COL7A1: variants seen among roughly 807,000 people sequenced by gnomAD.
COL7A1 encodes the protein collagen type VII alpha 1 chain, also known as collagen alpha-1(VII) chain.
In COL7A1, 296 loss-of-function variants were observed where a neutral mutation model predicts 456.2. That is an observed-to-expected ratio of 0.65 (90% CI 0.59 to 0.71). The LOEUF (loss-of-function observed/expected upper bound fraction) is 0.71. Ranked by LOEUF, COL7A1 falls within the 30% of genes least tolerant of loss-of-function variation. The pLI, the probability that COL7A1 is intolerant of heterozygous loss-of-function variation, is 0.00. For missense variants in COL7A1, 3,441 were observed against 4,017.2 expected (o/e 0.86, Z 3.88); for synonymous variants, 1,464 against 1,525.9 (o/e 0.96, Z 0.95).
Position 48,573,022 on chromosome 3 carries a change from A to G in COL7A1, c.6749T>C (p.Val2250Ala). Reference sequence around the variant, plus strand: ...CAACCCTTGACCCCCAGAACTCACCACTTGTCCAGGCAAACCTGGAGACCC... The same window carrying G: ...CAACCCTTGACCCCCAGAACTCACCGCTTGTCCAGGCAAACCTGGAGACCC... Reference protein sequence around the residue: ...PQGSPGLPGQVGETGKPGAPG... With the variant: ...PQGSPGLPGQAGETGKPGAPG... The change falls in exon 86 of 119, where the codon GTG (valine) becomes GCG (alanine). Residue 2250 changes from valine (V) to alanine (A), a missense_variant and splice_region_variant. Transcript: ENST00000681320. The surrounding 1 kb of genome is among the most constrained non-coding windows in gnomAD (Gnocchi z 5.5). 1 of 1,613,920 alleles carries G rather than the reference A, an allele frequency of 6.2e-7. No individual in the cohort carries two copies. The highest frequency in any genetic ancestry group is 1.1e-5 in the South Asian group (1 of 91,076).
chr3:48,570,684 T>A lies in COL7A1; in HGVS notation c.7299A>T (p.Glu2433Asp). ...ERGLAGPPGREGIPGPLGPPG... is the reference protein window; with the variant it reads ...ERGLAGPPGRDGIPGPLGPPG... Reference sequence around the variant, plus strand: ...GTGGCCCCAGGGGTCCTGGGATTCCTTCTCTCCCTGGGGGGCCTGCCAGAC... The same window carrying A: ...GTGGCCCCAGGGGTCCTGGGATTCCATCTCTCCCTGGGGGGCCTGCCAGAC... The change falls in exon 96 of 119, where the codon GAA becomes GAT. Residue 2433 changes from glutamate to aspartate, a missense_variant. By Grantham distance (45) the Glu-to-Asp change is conservative. Coordinates refer to ENST00000681320, the MANE Select transcript of COL7A1 (RefSeq NM_000094.4). This position sits in a 1 kb window ranked among gnomAD's most constrained non-coding sequence, Gnocchi z 5.5. 2 of 1,586,666 alleles carry A rather than the reference T, an allele frequency of 1.3e-6. No homozygotes were observed. The highest frequency in any genetic ancestry group is 8.6e-7 in the Non-Finnish European group (1 of 1,165,414).
At position 48,575,052 on chromosome 3, in the gene COL7A1, TGGGGTGATCACCTTGGGGCCAG is replaced by T; in HGVS notation, c.6269_6279+11del. 6.2e-7 allele frequency: 1 copy of T among 1,609,614 alleles called. No homozygotes were observed. Among genetic ancestry groups the T allele is most frequent in the Non-Finnish European group, 8.5e-7 (1 of 1,176,330 alleles). On this transcript the variant is annotated splice_donor_variant and splice_donor_5th_base_variant and coding_sequence_variant and intron_variant, in exon 76 of 119. Transcript: ENST00000681320. LOFTEE classifies it high-confidence loss of function. This position sits in a 1 kb window ranked among gnomAD's most constrained non-coding sequence, Gnocchi z 6.3. ...ACTAGTCACAGGACTAAGGCAGGGA[TGGGGTGATCACCTTGGGGCCAG>T]GGGGTCCGGGGGGCCCAGGGGTTCC...
At position 48,590,935 on chromosome 3, in the gene COL7A1, G is replaced by A; in HGVS notation, c.1637-119C>T. ...GCCATGGGGGTGGGGATGTGGGGTG[G>A]TGGGGACCAGAGAGCTGGGATATGG... On this transcript the variant is annotated intron_variant, in intron 13 of 118. Transcript: ENST00000681320. The surrounding 1 kb of genome is among the most constrained non-coding windows in gnomAD (Gnocchi z 4.6). 1 of 1,018,658 alleles carries A rather than the reference G, an allele frequency of 9.8e-7. No individual in the cohort carries two copies. The highest frequency in any genetic ancestry group is 1.5e-6 in the Non-Finnish European group (1 of 673,282). 63.1% of individuals were successfully genotyped at this position (1,018,658 alleles called of 1,614,324 possible).
In COL7A1 at chr3:48,581,063, C is replaced by G; in HGVS notation, c.4935+59G>C. The G allele has an allele frequency of 1.2e-6, 2 of 1,608,924 alleles. No individual in the cohort carries two copies. Among genetic ancestry groups the G allele is most frequent in the African/African-American group, 2.7e-5 (2 of 74,932 alleles). On this transcript the variant is annotated intron_variant, in intron 53 of 118. Coordinates refer to ENST00000681320, the MANE Select transcript of COL7A1 (RefSeq NM_000094.4). This position sits in a 1 kb window ranked among gnomAD's most constrained non-coding sequence, Gnocchi z 5.8. ...ATGGATGAACTGGTGGAGCACCAGC[C>G]TACTGGGATCCTAGTTCAAGGGTAA...
At position 48,589,347 on chromosome 3, in the gene COL7A1, G is replaced by T. The variant is rs751496071; in HGVS notation, c.2294C>A (p.Ala765Asp). The T allele has an allele frequency of 1.7e-5, 28 of 1,612,212 alleles. 1 individual carries two copies. In the South Asian group the frequency reaches 3.0e-4, roughly 17 times the overall value. ...CTCACCAGTCCTCACAACCACAGAGGCAGGGGGCCCATCCACGCCAGCCAC... is the reference window on the plus strand; with the variant it reads ...CTCACCAGTCCTCACAACCACAGAGTCAGGGGGCCCATCCACGCCAGCCAC... ...AHVAGVDGPPASVVVRTAPEP... is the reference protein window; with the variant it reads ...AHVAGVDGPPDSVVVRTAPEP... The change falls in exon 18 of 119, where the codon GCC becomes GAC. Residue 765 changes from alanine to aspartate, a missense_variant. This residue lies in a region of COL7A1 where 913 missense variants were observed against 1,088.2 expected (regional missense o/e 0.84). Coordinates refer to ENST00000681320, the MANE Select transcript of COL7A1 (RefSeq NM_000094.4).
chr3:48,586,788 C>T lies in COL7A1; in HGVS notation c.3277-99G>A, dbSNP rs546502320. 21 of 1,524,146 alleles carry T rather than the reference C, an allele frequency of 1.4e-5. No individual in the cohort carries two copies. The Middle Eastern group carries it at 5.2e-4, about 38-fold the overall frequency. 94.4% of individuals were successfully genotyped at this position (1,524,146 alleles called of 1,614,324 possible). A position where few individuals can be genotyped will look rare whatever the true frequency, so the allele number is the denominator to read the frequency against. ...CACATCAGGGTGTGTGTGACCAAAC[C>T]CTATCTATTAGGGAGTCAGCAGTGA... On this transcript the variant is annotated intron_variant, in intron 25 of 118. Transcript: ENST00000681320. The surrounding 1 kb of genome is among the most constrained non-coding windows in gnomAD (Gnocchi z 5.1).
chr3:48,566,990 T>C lies in COL7A1; in HGVS notation c.8143A>G (p.Ser2715Gly), dbSNP rs761335737. 3.7e-6 allele frequency: 6 copies of C among 1,612,092 alleles called. No homozygotes were observed. In the East Asian group the frequency reaches 8.9e-5, roughly 24 times the overall value. The change falls in exon 111 of 119, where the codon AGT becomes GGT. Residue 2715 changes from serine (S) to glycine (G), a missense_variant. This residue lies in a region of COL7A1 where 2,084 missense variants were observed against 2,501.3 expected (regional missense o/e 0.83). Coordinates refer to ENST00000681320, the MANE Select transcript of COL7A1 (RefSeq NM_000094.4). This position sits in a 1 kb window ranked among gnomAD's most constrained non-coding sequence, Gnocchi z 5.9. ...TPGIGGFPGP[S>G]GNDGSAGPPG... ...GGACCAGCAGAGCCATCATTTCCAC[T>C]GGGGCCTGGGAAGCCCCCAATTCCT...
In COL7A1 at chr3:48,570,617, G is replaced by T. The variant is rs1380898482; in HGVS notation, c.7344+22C>A. The T allele has an allele frequency of 6.2e-7, 1 of 1,609,930 alleles. No individual in the cohort carries two copies. The highest frequency in any genetic ancestry group is 8.5e-7 in the Non-Finnish European group (1 of 1,178,024). ...GAGGACAGGAAATCAAATACGTGGG[G>T]CTTTAGGGCACCTCTACTCACCACT... On this transcript the variant is annotated intron_variant, in intron 96 of 118. Transcript: ENST00000681320. This position sits in a 1 kb window ranked among gnomAD's most constrained non-coding sequence, Gnocchi z 5.5.
rs1383696679 is a variant in COL7A1 at position 48,590,304 on chromosome 3, T to C, written c.1959A>G (p.Thr653=). 3 of 1,614,008 alleles carry C rather than the reference T, an allele frequency of 1.9e-6. No homozygotes were observed. The highest frequency in any genetic ancestry group is 2.5e-6 in the Non-Finnish European group (3 of 1,179,982). ...GGTAGGTGGTTCCAGGCTGCAGCCC[T>C]GTGATGTCTGTGGCAGTAGAGTCTG... The part of the protein sequence containing the change: ...LPPDSTATDI[T]GLQPGTTYQV... Residue 653 remains threonine, a synonymous_variant, in exon 16 of 119, where the codon ACA becomes ACG. Coordinates refer to ENST00000681320, the MANE Select transcript of COL7A1 (RefSeq NM_000094.4). The surrounding 1 kb of genome is among the most constrained non-coding windows in gnomAD (Gnocchi z 4.6).
In COL7A1 at chr3:48,586,225, C is replaced by T; in HGVS notation, c.3572G>A (p.Gly1191Glu). 1 of 1,613,680 alleles carries T rather than the reference C, an allele frequency of 6.2e-7. No homozygotes were observed. Residue 1191 changes from glycine (G) to glutamate (E), a missense_variant, in exon 28 of 119, where the codon GGA becomes GAA. Gly to Glu is a moderately conservative substitution (Grantham distance 98, BLOSUM62 -2). Transcript: ENST00000681320. The surrounding 1 kb of genome is among the most constrained non-coding windows in gnomAD (Gnocchi z 5.1). ...CTGCTCTGGGTCCGCTCCAGCCATTCCCAACATCACCACATTAAGCCCTAA... is the reference window on the plus strand; with the variant it reads ...CTGCTCTGGGTCCGCTCCAGCCATTTCCAACATCACCACATTAAGCCCTAA... The part of the protein sequence containing the change: ...QASGLNVVML[G>E]MAGADPEQLR...
At position 48,573,318 on chromosome 3, in the gene COL7A1, G is replaced by T. The variant is rs546653276; in HGVS notation, c.6649C>A (p.Arg2217=). 6.2e-7 allele frequency: 1 copy of T among 1,613,954 alleles called. No individual in the cohort carries two copies. Among genetic ancestry groups the T allele is most frequent in the Non-Finnish European group, 8.5e-7 (1 of 1,180,004 alleles). ...AACCTGTGAGCTAGGCCACTCACCCGTCCTGGAGGTCCTGTCTCTCCAGGC... is the reference window on the plus strand; with the variant it reads ...AACCTGTGAGCTAGGCCACTCACCCTTCCTGGAGGTCCTGTCTCTCCAGGC... ...GEPGETGPPG[R]GLTGPTGAVG... is the part of the protein sequence containing the mutation. Residue 2217 remains arginine (R), a splice_region_variant and synonymous_variant, in exon 84 of 119, where the codon CGG becomes AGG. Coordinates refer to ENST00000681320, the MANE Select transcript of COL7A1 (RefSeq NM_000094.4). This position sits in a 1 kb window ranked among gnomAD's most constrained non-coding sequence, Gnocchi z 5.5.
Position 48,573,230 on chromosome 3 carries a change from T to G in COL7A1, c.6658A>C (p.Thr2220Pro). The stretch of plus-strand genomic sequence containing the variant: ...AGTCCCACAGCTCCAGTAGGTCCAG[T>G]CAGGCCCTGGAGGAAGAGAAAGTTC... The part of the protein sequence containing the change: ...GETGPPGRGL[T>P]GPTGAVGLPG... The change falls in exon 85 of 119, where the codon ACT becomes CCT. Residue 2220 changes from threonine (T) to proline (P), a missense_variant. Around this residue, in one of 3 missense-constraint regions of COL7A1, gnomAD observed 2,084 missense variants for 2,501.3 expected, o/e 0.83. Transcript: ENST00000681320. The surrounding 1 kb of genome is among the most constrained non-coding windows in gnomAD (Gnocchi z 5.5). 1 of 1,614,088 alleles carries G rather than the reference T, an allele frequency of 6.2e-7. No individual in the cohort carries two copies. The highest frequency in any genetic ancestry group is 8.5e-7 in the Non-Finnish European group (1 of 1,180,014).
In COL7A1 at chr3:48,593,519, G is replaced by A; in HGVS notation, c.426+18C>T. 3.1e-6 allele frequency: 5 copies of A among 1,614,130 alleles called. No homozygotes were observed. Among genetic ancestry groups the A allele is most frequent in the Non-Finnish European group, 4.2e-6 (5 of 1,180,032 alleles). On this transcript the variant is annotated intron_variant, in intron 4 of 118. Coordinates refer to ENST00000681320, the MANE Select transcript of COL7A1 (RefSeq NM_000094.4). This position sits in a 1 kb window ranked among gnomAD's most constrained non-coding sequence, Gnocchi z 4.4. ...CATTTGGGGTCATCTTGGGAGGCAT[G>A]GTAGGGGTAGGGATCACCTTGGGGA...
rs753859648 is a variant in COL7A1, at chr3:48,590,760, C to A, written c.1693G>T (p.Val565Phe). The change falls in exon 14 of 119, where the codon GTT becomes TTT. Residue 565 changes from valine to phenylalanine, a missense_variant. Val to Phe is a conservative substitution (Grantham distance 50). Coordinates refer to ENST00000681320, the MANE Select transcript of COL7A1 (RefSeq NM_000094.4). The surrounding 1 kb of genome is among the most constrained non-coding windows in gnomAD (Gnocchi z 4.6). Reference sequence around the variant, plus strand: ...ACAGTGTAGCTAAGCCCAGCCTGAACGTCATCCAAGTCGAATGCTGTCTGA... The same window carrying A: ...ACAGTGTAGCTAAGCCCAGCCTGAAAGTCATCCAAGTCGAATGCTGTCTGA... ...GSQTAFDLDD[V>F]QAGLSYTVRV... 1.9e-6 allele frequency: 3 copies of A among 1,614,002 alleles called. No homozygotes were observed. Among genetic ancestry groups the A allele is most frequent in the Admixed American group, 3.3e-5 (2 of 60,016 alleles).
chr3:48,576,221 T>A (rs775360443), intron 71 of COL7A1, 28 bp downstream of exon 71: 5 of 1,612,442 alleles, frequency 3.1e-6, no homozygotes, highest in Non-Finnish European at 4.2e-6. Context: ...CAAAACAGAG[T>A]CAAGGGGACA....
chr3:48,572,015 C>T lies in COL7A1; in HGVS notation c.7054G>A (p.Asp2352Asn), dbSNP rs770291453. ...GEAGRAGEPG[D>N]PGEDGQKGAP... The stretch of plus-strand genomic sequence containing the variant: ...CCCGGACTCACATCTTCCCCAGGGT[C>T]TCCGGGCTCCCCTGCACGGCCAGCT... Residue 2352 changes from aspartate (D) to asparagine (N), a missense_variant, in exon 92 of 119, where the codon GAC becomes AAC. Physicochemically the swap from Asp to Asn is conservative, Grantham distance 23. Around this residue, in one of 3 missense-constraint regions of COL7A1, gnomAD observed 2,084 missense variants for 2,501.3 expected, o/e 0.83. Transcript: ENST00000681320. This position sits in a 1 kb window ranked among gnomAD's most constrained non-coding sequence, Gnocchi z 4.6. The T allele has an allele frequency of 6.2e-7, 1 of 1,612,710 alleles. No homozygotes were observed.
Position 48,574,698 on chromosome 3 carries a change from G to T in COL7A1, c.6372C>A (p.Asp2124Glu). The part of the protein sequence containing the change: ...GAKGEPGSNG[D>E]QGPKGDRGVP... Reference sequence around the variant, plus strand: ...TCACCCTGTCTCCTTTGGGACCTTGGTCACCATTGCTGCCCGGCTCCCCCT... The same window carrying T: ...TCACCCTGTCTCCTTTGGGACCTTGTTCACCATTGCTGCCCGGCTCCCCCT... Residue 2124 changes from aspartate to glutamate, a missense_variant, in exon 78 of 119, where the codon GAC (aspartate) becomes GAA (glutamate). Physicochemically the swap from Asp to Glu is conservative, Grantham distance 45 (BLOSUM62 2). Transcript: ENST00000681320. This position sits in a 1 kb window ranked among gnomAD's most constrained non-coding sequence, Gnocchi z 5.0. 6.2e-7 allele frequency: 1 copy of T among 1,613,936 alleles called. No individual in the cohort carries two copies. The highest frequency in any genetic ancestry group is 8.5e-7 in the Non-Finnish European group (1 of 1,180,004).
chr3:48,586,496 T>A lies in COL7A1; in HGVS notation c.3404-18A>T. The A allele has an allele frequency of 6.2e-7, 1 of 1,613,696 alleles. No individual in the cohort carries two copies. The highest frequency in any genetic ancestry group is 8.5e-7 in the Non-Finnish European group (1 of 1,180,022). On this transcript the variant is annotated intron_variant, in intron 26 of 118. Coordinates refer to ENST00000681320, the MANE Select transcript of COL7A1 (RefSeq NM_000094.4). The surrounding 1 kb of genome is among the most constrained non-coding windows in gnomAD (Gnocchi z 5.1). ...GGCTGTGCCTGGAAGGAAGGACATG[T>A]CAGAACCCTGGGGCACCAAGCTCCC...
chr3:48,576,222 C>T, intron 71 of COL7A1, 27 bp downstream of exon 71: 1 of 1,613,072 alleles, frequency 6.2e-7, no homozygotes, highest in East Asian at 2.2e-5. Flanking sequence ...AAAACAGAGT[C>T]AAGGGGACAT....
Sources: gnomAD v4.1 joint callset for allele counts on GRCh38, gnomAD v4.1.1 for gene constraint, gnomAD v4.1.1 regional missense constraint, Gnocchi (gnomAD v3.1) non-coding constraint, MANE v1.5 for transcripts, NCBI Gene and HGNC (gene_info 2026-07-23, HGNC 2026-07-21) for gene names.